ARHGAP23: variants seen among roughly 807,000 people sequenced by gnomAD.
ARHGAP23 encodes the protein rho GTPase-activating protein 23.
A neutral mutation model predicts 136.3 loss-of-function variants in ARHGAP23; 34 were observed. That is an observed-to-expected ratio of 0.25 (90% confidence interval 0.19 to 0.33). The LOEUF (loss-of-function observed/expected upper bound fraction) is 0.33, where lower values mean the gene tolerates loss of function less well. ARHGAP23 is among the 10% of genes least tolerant of loss of function. The pLI, the probability that ARHGAP23 is intolerant of heterozygous loss-of-function variation, is 1.00. For missense variants in ARHGAP23, 1,808 were observed against 2,139.0 expected, an observed-to-expected ratio of 0.85 and a Z score of 3.05; for synonymous variants, 832 against 920.5, an observed-to-expected ratio of 0.90 and a Z score of 1.74.
chr17:38,453,244 TG>T (rs200565479), intron 1 of ARHGAP23, among the ~76,000 whole-genome samples: 3 of 151,250 alleles, frequency 2.0e-5, no homozygotes, highest in Admixed American at 6.6e-5. Context: ...CCTGTGTGTG[TG>T]GGGGGGATAG....
At chr17:38,443,338 A>G (rs1162461368) in intron 1 of ARHGAP23, among the ~76,000 whole-genome samples, 1 of 152,200 alleles carries the variant, frequency 6.6e-6, no homozygotes, top group Admixed American at 6.5e-5. Flanking sequence ...TAGCGCATCT[A>G]ACAGCAGCTG....
At chr17:38,493,051 A>C in intron 20 of ARHGAP23, among the ~76,000 whole-genome samples, 1 of 152,208 alleles carries the variant, frequency 6.6e-6, no homozygotes, top group Non-Finnish European at 1.5e-5. Context: ...AGGGTGGAGA[A>C]GGTGGAGTTT....
chr17:38,484,417 G>C (rs999110316), intron 16 of ARHGAP23, among the ~76,000 whole-genome samples: 2 of 152,110 alleles, frequency 1.3e-5, no homozygotes, highest in Non-Finnish European at 2.9e-5. Flanking sequence ...GGCATAAACA[G>C]GCGCTATATT....
intron 1 of ARHGAP23, among the ~76,000 whole-genome samples, chr17:38,445,425 T>G (rs1028472049): frequency 9.2e-5 from 14 of 151,508 alleles, no homozygotes; most frequent in Non-Finnish European, 1.9e-4. Flanking sequence ...TGCAGTGAGC[T>G]GAGAGCACGC....
intron 2 of ARHGAP23, among the ~76,000 whole-genome samples, chr17:38,460,461 C>T (rs1444432520): frequency 2.6e-5 from 4 of 152,128 alleles, no homozygotes; most frequent in Admixed American, 2.6e-4. Context: ...GCCTTCTACC[C>T]GCCACCCTCA....
chr17:38,444,265 C>A (rs1023773154), intron 1 of ARHGAP23, among the ~76,000 whole-genome samples: 2 of 152,068 alleles, frequency 1.3e-5, no homozygotes, highest in African/African-American at 4.8e-5. Context: ...ACGAGGCATG[C>A]CAGCGCTGGG....
intron 1 of ARHGAP23, among the ~76,000 whole-genome samples, chr17:38,444,430 G>A (rs35963663): frequency 0.18 from 26,657 of 152,028 alleles, 3,478 homozygotes; most frequent in African/African-American, 0.37. Flanking sequence ...GGGTGTGAGC[G>A]TGTGGCGCGT....
chr17:38,498,339 C>T, intron 21 of ARHGAP23, 75 bp from the exon 22 acceptor site: 1 of 1,212,792 alleles, frequency 8.2e-7, no homozygotes, highest in Non-Finnish European at 1.1e-6. Flanking sequence ...GCTCTGTCAT[C>T]AGGGCACCCC....
chr17:38,479,626 C>G, intron 13 of ARHGAP23, 127 bp from the exon 14 acceptor site: 1 of 1,418,630 alleles, frequency 7.0e-7, no homozygotes, highest in Non-Finnish European at 9.6e-7. Context: ...GGTCTCCAGG[C>G]TGCAGTTAGG....
At chr17:38,462,153 C>A (rs186314758) in intron 3 of ARHGAP23, among the ~76,000 whole-genome samples, 48 of 151,494 alleles carry the variant, frequency 3.2e-4, no homozygotes, top group Non-Finnish European at 5.9e-4. Flanking sequence ...AGGGTTTCAC[C>A]ATGTTGGCCA....
chr17:38,452,901 G>A (rs1053031726), intron 1 of ARHGAP23, among the ~76,000 whole-genome samples: 2 of 152,216 alleles, frequency 1.3e-5, no homozygotes, highest in Non-Finnish European at 2.9e-5. Context: ...TGACCCTCTA[G>A]GTAGAGCTAA....
intron 23 of ARHGAP23, among the ~76,000 whole-genome samples, chr17:38,505,080 C>T (rs967216779): frequency 7.3e-6 from 1 of 136,258 alleles, no homozygotes; most frequent in Non-Finnish European, 1.5e-5. Flanking sequence ...ACACAGCTCA[C>T]TGCAGCCTCT....
At chr17:38,499,970 G>C (rs1597846101) in intron 22 of ARHGAP23, among the ~76,000 whole-genome samples, 1 of 152,212 alleles carries the variant, frequency 6.6e-6, no homozygotes, top group East Asian at 1.9e-4. Flanking sequence ...GGTGATAACT[G>C]GGGACCCTGC....
chr17:38,495,933 T>A (rs1390257854), intron 20 of ARHGAP23, among the ~76,000 whole-genome samples: 1 of 152,132 alleles, frequency 6.6e-6, no homozygotes, highest in Non-Finnish European at 1.5e-5. Context: ...GTTTCACTCT[T>A]GTTGTCCAGG....
At chr17:38,493,344 C>T (rs2144763028) in intron 20 of ARHGAP23, among the ~76,000 whole-genome samples, 1 of 152,138 alleles carries the variant, frequency 6.6e-6, no homozygotes, top group African/African-American at 2.4e-5. Flanking sequence ...GCCACCACCA[C>T]ACCACCTGGC....
Position 38,510,233 on chromosome 17 carries a change from T to G in ARHGAP23, c.3737T>G (p.Ile1246Ser). 1 of 1,381,870 alleles carries G rather than the reference T, an allele frequency of 7.2e-7. No individual in the cohort carries two copies. The highest frequency in any genetic ancestry group is 9.4e-7 in the Non-Finnish European group (1 of 1,067,128). The allele number at this position is 1,381,870 out of a possible 1,614,324, so 85.6% of individuals were successfully genotyped here. ...CGGCCGGCCGCGGACACGCGCTCCA[T>G]TGTGTCGGGCTACTCCACCCTGTCC... The part of the protein sequence containing the change: ...EERPAADTRS[I>S]VSGYSTLSTM... Residue 1246 changes from isoleucine to serine, a missense_variant, in exon 24 of 24, where the codon ATT becomes AGT. Physicochemically the swap from Ile to Ser is moderately radical, Grantham distance 142. Around this residue, in one of 7 missense-constraint regions of ARHGAP23, gnomAD observed 506 missense variants for 455.8 expected, o/e 1.11. Transcript: ENST00000622683. This position sits in a 1 kb window ranked among gnomAD's most constrained non-coding sequence, Gnocchi z 4.6.
chr17:38,479,327 G>T, intron 12 of ARHGAP23, 109 bp from the exon 13 acceptor site: 1 of 843,072 alleles, frequency 1.2e-6, no homozygotes, highest in Non-Finnish European at 2.0e-6. Context: ...CCAGGGTCTG[G>T]GCTGTCCACC....
In ARHGAP23 at chr17:38,510,866, C is replaced by A; in HGVS notation, c.4370C>A (p.Ala1457Asp). The change falls in exon 24 of 24, where the codon GCC becomes GAC. Residue 1457 changes from alanine (A) to aspartate (D), a missense_variant. Ala to Asp is a moderately radical substitution (Grantham distance 126, BLOSUM62 -2). This residue lies in a region of ARHGAP23 where 506 missense variants were observed against 455.8 expected (regional missense o/e 1.11). Transcript: ENST00000622683. This position sits in a 1 kb window ranked among gnomAD's most constrained non-coding sequence, Gnocchi z 4.6. ...AGCCTGGAGTCCACCAAGGCGCGGG[C>A]CCCGTCGTCCGCTGCCTCGCAGCCG... ...LSSLESTKAR[A>D]PSSAASQPPA... is the part of the protein sequence containing the mutation. 1 of 1,499,894 alleles carries A rather than the reference C, an allele frequency of 6.7e-7. No individual in the cohort carries two copies. Among genetic ancestry groups the A allele is most frequent in the East Asian group, 2.8e-5 (1 of 36,154 alleles). The allele number at this position is 1,499,894 out of a possible 1,614,324, so 92.9% of individuals were successfully genotyped here.
chr17:38,503,953 G>A (rs549382212), intron 23 of ARHGAP23, among the ~76,000 whole-genome samples: 26 of 152,234 alleles, frequency 1.7e-4, no homozygotes, highest in African/African-American at 4.8e-4. Flanking sequence ...CACGAACATC[G>A]GTTTCATTTC....
Sources: gnomAD v4.1 joint callset for allele counts (sites outside exome capture counted in the v4.1 genomes callset) on GRCh38, gnomAD v4.1.1 for gene constraint, gnomAD v4.1.1 regional missense constraint, Gnocchi (gnomAD v3.1) non-coding constraint, MANE v1.5 for transcripts, NCBI Gene and HGNC (gene_info 2026-07-23, HGNC 2026-07-21) for gene names.